TFPI: variants seen among roughly 807,000 people sequenced by gnomAD.
TFPI encodes tissue factor pathway inhibitor, also known as anti-convertin.
Under a neutral mutation model 34.6 loss-of-function variants are expected in TFPI, and 15 were observed. The observed-to-expected ratio is 0.43, with a 90% confidence interval of 0.29 to 0.67. The LOEUF is 0.67. TFPI is among the 30% of genes least tolerant of loss of function. TFPI has a pLI of 0.15. For synonymous variants in TFPI, 105 were observed against 120.1 expected (o/e 0.87, Z 0.82); for missense variants, 301 against 364.0 (o/e 0.83, Z 1.41).
At chr2:187,488,242 G>A in intron 4 of TFPI, 95 bp downstream of exon 4, 2 of 948,190 alleles carry the variant, frequency 2.1e-6, no homozygotes, top group Non-Finnish European at 3.2e-6. Flanking sequence ...TACTGAATCA[G>A]GGACCAGAAA....
intron 1 of TFPI, chr2:187,515,427 C>T (rs1462651955): frequency 6.6e-6 from 1 of 152,122 alleles, no homozygotes; most frequent in Non-Finnish European, 1.5e-5. Flanking sequence ...AGGTGTTGGA[C>T]TCAGTTTATT....
At chr2:187,544,572 C>T (rs1050383947) in intron 1 of TFPI, 2 of 147,620 alleles carry the variant, frequency 1.4e-5, no homozygotes, top group Non-Finnish European at 3.0e-5. Flanking sequence ...GCCCAGGGGG[C>T]GAAGGTTTCA....
intron 6 of TFPI, among the ~76,000 whole-genome samples, chr2:187,476,447 C>T (rs1262356720): frequency 6.6e-6 from 1 of 151,936 alleles, no homozygotes; most frequent in African/African-American, 2.4e-5. Flanking sequence ...TCAAGCAATC[C>T]TCCCACCTCA....
chr2:187,537,892 G>GA (rs1688351302), intron 1 of TFPI, among the ~76,000 whole-genome samples: 1 of 146,180 alleles, frequency 6.8e-6, no homozygotes, highest in African/African-American at 2.5e-5. Flanking sequence ...AAATTTACAA[G>GA]AAAAAAACAA....
intron 1 of TFPI, among the ~76,000 whole-genome samples, chr2:187,537,320 G>A (rs576647953): frequency 6.8e-4 from 103 of 152,152 alleles, no homozygotes; most frequent in African/African-American, 2.3e-3. Flanking sequence ...GAGGCATCAC[G>A]CTACCTGACT....
At chr2:187,552,486 GT>G (rs1689131651) in intron 1 of TFPI, among the ~76,000 whole-genome samples, 1 of 151,976 alleles carries the variant, frequency 6.6e-6, no homozygotes, top group South Asian at 2.1e-4. Flanking sequence ...TTAACAATAA[GT>G]TTTATGACAG....
intron 1 of TFPI, among the ~76,000 whole-genome samples, chr2:187,513,215 T>C (rs1686766180): frequency 6.6e-6 from 1 of 152,164 alleles, no homozygotes; most frequent in African/African-American, 2.4e-5. Flanking sequence ...AGAGGTATCA[T>C]CCAGTTTTTC....
intron 1 of TFPI, among the ~76,000 whole-genome samples, chr2:187,545,937 TG>T (rs1310383833): frequency 6.6e-6 from 1 of 152,026 alleles, no homozygotes; most frequent in East Asian, 1.9e-4. Flanking sequence ...ATGTGAGTCC[TG>T]GAAGTGGAGA....
At chr2:187,488,273 A>G in intron 4 of TFPI, 64 bp downstream of exon 4, 5 of 1,398,820 alleles carry the variant, frequency 3.6e-6, no homozygotes, top group Non-Finnish European at 9.8e-7. Context: ...GCAAACAAAC[A>G]AAAAATTGAA....
At chr2:187,469,817 G>A (rs1691930718) in intron 6 of TFPI, among the ~76,000 whole-genome samples, 1 of 152,068 alleles carries the variant, frequency 6.6e-6, no homozygotes, top group African/African-American at 2.4e-5. Context: ...GACATTTCCT[G>A]TCACTAAGAA....
chr2:187,504,809 A>G (rs1686091753), intron 1 of TFPI, among the ~76,000 whole-genome samples: 1 of 152,138 alleles, frequency 6.6e-6, no homozygotes, highest in South Asian at 2.1e-4. Flanking sequence ...AAAACAATCT[A>G]GAGAATTATC....
intron 1 of TFPI, among the ~76,000 whole-genome samples, chr2:187,505,768 G>C (rs144330027): frequency 4.9e-4 from 75 of 152,140 alleles, no homozygotes; most frequent in African/African-American, 1.7e-3. Flanking sequence ...TCATAGATTT[G>C]GTGGACCCAA....
At chr2:187,489,566 A>G (rs1684967818) in intron 3 of TFPI, among the ~76,000 whole-genome samples, 1 of 151,580 alleles carries the variant, frequency 6.6e-6, no homozygotes. Context: ...AAGAAGAAAG[A>G]AATGTATACA....
At chr2:187,538,915 GTTAC>G (rs1287807606) in intron 1 of TFPI, among the ~76,000 whole-genome samples, 12 of 152,032 alleles carry the variant, frequency 7.9e-5, no homozygotes, top group South Asian at 6.2e-4. Flanking sequence ...AACTTTGAAA[GTTAC>G]TTATTTATGG....
At chr2:187,484,036 T>C in intron 6 of TFPI, 88 bp downstream of exon 6, 1 of 1,034,934 alleles carries the variant, frequency 9.7e-7, no homozygotes, top group Admixed American at 2.1e-5. Context: ...TATATATATA[T>C]TTAAAGACAT....
At chr2:187,476,588 C>A (rs1692392718) in intron 6 of TFPI, among the ~76,000 whole-genome samples, 1 of 152,134 alleles carries the variant, frequency 6.6e-6, no homozygotes, top group African/African-American at 2.4e-5. Context: ...TATCTTCCCA[C>A]CCCAGCCTTC....
At position 187,492,620 on chromosome 2, in the gene TFPI, G is replaced by C. The variant is rs139694914; in HGVS notation, c.320-4245C>G. Among the ~76,000 whole-genome samples the C allele has an allele frequency of 1.4e-3, 213 of 152,326 alleles. 1 individual carries two copies. The highest frequency in any genetic ancestry group is 4.8e-3 in the African/African-American group (200 of 41,582). ...GGGAGCCCACCTCTTGCATCAGCGT[G>C]ACCTGGATATGAGACATGGAGTCAA... On this transcript the variant is annotated intron_variant, in intron 3 of 7. Transcript: ENST00000233156.
At chr2:187,545,501 C>T (rs1156318833) in intron 1 of TFPI, among the ~76,000 whole-genome samples, 1 of 151,926 alleles carries the variant, frequency 6.6e-6, no homozygotes, top group Non-Finnish European at 1.5e-5. Context: ...ATTTTTTCAC[C>T]CCAGAGTCTT....
At chr2:187,512,103 C>A (rs72906209) in intron 1 of TFPI, among the ~76,000 whole-genome samples, 5,929 of 152,022 alleles carry the variant, frequency 0.039, 165 homozygotes, top group Admixed American at 0.092. Context: ...GCATTGAGGC[C>A]GCTGATAACC....
Sources: allele counts gnomAD v4.1 joint callset (sites outside exome capture counted in the v4.1 genomes callset), GRCh38; gene constraint gnomAD v4.1.1; transcripts MANE v1.5; gene names NCBI Gene and HGNC (gene_info 2026-07-23, HGNC 2026-07-21).